The following FCGR1A variants were observed in gnomAD, a reference collection of about 807,000 sequenced individuals.
FCGR1A encodes high affinity immunoglobulin gamma Fc receptor I.
FCGR1A carries 13 observed loss-of-function variants against 35.0 expected under a neutral mutation model. The observed-to-expected ratio is 0.37, with a 90% confidence interval of 0.24 to 0.59. FCGR1A has a LOEUF of 0.59. Among genes scored for constraint, FCGR1A ranks in the 20% least tolerant of loss-of-function variants. FCGR1A has a pLI of 0.71. For missense variants in FCGR1A, 227 were observed against 430.0 expected, an observed-to-expected ratio of 0.53 and a Z score of 4.17; for synonymous variants, 91 against 164.7, an observed-to-expected ratio of 0.55 and a Z score of 3.43.
rs782397671 is a variant in FCGR1A at position 149,791,522 on chromosome 1, G to A, written c.*5G>A. The A allele has an allele frequency of 3.7e-6, 6 of 1,610,344 alleles. No individual in the cohort carries two copies. The highest frequency in any genetic ancestry group is 5.1e-6 in the Non-Finnish European group (6 of 1,179,562). On this transcript the variant is annotated 3_prime_UTR_variant, in exon 6 of 6. Coordinates refer to ENST00000369168, the MANE Select transcript of FCGR1A (RefSeq NM_000566.4). ...GAGCCCCAGGGGGCCACGTAGCAGC[G>A]GCTCAGTGGGTGGCCATCGATCTGG...
At chr1:149,789,010 G>A (rs1436835083) in intron 4 of FCGR1A, among the ~76,000 whole-genome samples, 4 of 151,782 alleles carry the variant, frequency 2.6e-5, no homozygotes, top group Non-Finnish European at 4.4e-5. Flanking sequence ...TATGAAGAAC[G>A]GGCTATACTG....
intron 3 of FCGR1A, among the ~76,000 whole-genome samples, chr1:149,784,594 C>T (rs587721922): frequency 1.3e-5 from 2 of 151,334 alleles, no homozygotes; most frequent in African/African-American, 4.8e-5. Context: ...TATCTTCCTC[C>T]CACCCAAAAC....
In FCGR1A at chr1:149,785,407, CGTTTTTTTT is replaced by C. The variant is rs1227020585; in HGVS notation, c.307+1151_307+1159del. On this transcript the variant is annotated intron_variant, in intron 3 of 5. Coordinates refer to ENST00000369168, the MANE Select transcript of FCGR1A (RefSeq NM_000566.4). The stretch of plus-strand genomic sequence containing the variant: ...GTTAGGGAAGCTGACAGAGCTGTTT[CGTTTTTTTT>C]TTTTTTTTTTTTTTTTTTGAGACAG... Among the ~76,000 whole-genome samples, 87 of 74,546 alleles carry C rather than the reference CGTTTTTTTT, an allele frequency of 1.2e-3. 2 individuals are homozygous for C. The highest frequency in any genetic ancestry group is 3.9e-3 in the African/African-American group (85 of 21,914). 48.9% of individuals were successfully genotyped at this position (74,546 alleles called of 152,430 possible).
At position 149,790,325 on chromosome 1, in the gene FCGR1A, G is replaced by A; in HGVS notation, c.831G>A (p.Glu277=). Residue 277 remains glutamate (E), a synonymous_variant, in exon 5 of 6, where the codon GAG becomes GAA. Coordinates refer to ENST00000369168, the MANE Select transcript of FCGR1A (RefSeq NM_000566.4). ...GNVLKRSPEL[E]LQVLGLQLPT... ...TCCTTAAGCGCAGCCCTGAGTTGGA[G>A]CTTCAAGTGCTTGGTGAGTGAGAAT... 1 of 1,587,442 alleles carries A rather than the reference G, an allele frequency of 6.3e-7. No individual in the cohort carries two copies. The highest frequency in any genetic ancestry group is 8.6e-7 in the Non-Finnish European group (1 of 1,167,102).
chr1:149,793,320 G>C, downstream of FCGR1A: 6 of 1,153,212 alleles, frequency 5.2e-6, no homozygotes, highest in Non-Finnish European at 6.5e-6. Flanking sequence ...CTCCCAGCTG[G>C]TTCCCTCACC....
the FCGR1A span, among the ~76,000 whole-genome samples, chr1:149,800,300 CT>C: frequency 6.6e-6 from 1 of 152,310 alleles, no homozygotes; most frequent in East Asian, 1.9e-4. Context: ...AAGCCCTGTC[CT>C]TTTGGGTCTT....
downstream of FCGR1A, chr1:149,793,177 G>A: frequency 7.8e-7 from 1 of 1,279,172 alleles, no homozygotes; most frequent in South Asian, 1.2e-5. Context: ...GGAAACGGGA[G>A]GACGGCGCTG....
chr1:149,789,341 T>C (rs6587578), intron 4 of FCGR1A, among the ~76,000 whole-genome samples: 5 of 152,016 alleles, frequency 3.3e-5, no homozygotes, highest in South Asian at 2.1e-4. Flanking sequence ...TGCAGTGAGC[T>C]GAGATAGCGC....
intron 3 of FCGR1A, among the ~76,000 whole-genome samples, chr1:149,785,178 T>C (rs1315074370): frequency 1.5e-4 from 23 of 152,184 alleles, no homozygotes; most frequent in African/African-American, 5.1e-4. Flanking sequence ...TATTTAGTTA[T>C]TCAGAAGTGA....
chr1:149,793,267 G>C (rs1158167113), downstream of FCGR1A: 1 of 1,230,290 alleles, frequency 8.1e-7, no homozygotes, highest in African/African-American at 1.6e-5. Context: ...GAGCGGGTGG[G>C]GAGTGGGAGA....
chr1:149,788,737 G>A (rs1553751266), intron 4 of FCGR1A, 120 bp downstream of exon 4: 2 of 1,211,180 alleles, frequency 1.7e-6, no homozygotes, highest in Admixed American at 4.4e-5. Context: ...GAGGTAAACT[G>A]CATTACTAAA....
chr1:149,793,562 G>C (rs1276506326), downstream of FCGR1A, among the ~76,000 whole-genome samples: 15 of 151,950 alleles, frequency 9.9e-5, no homozygotes, highest in Non-Finnish European at 2.1e-4. Context: ...GAGGGGTGGT[G>C]GGGTGGAGGA....
the FCGR1A span, among the ~76,000 whole-genome samples, chr1:149,799,360 CTT>C: frequency 6.6e-6 from 1 of 152,234 alleles, no homozygotes; most frequent in Non-Finnish European, 1.5e-5. Context: ...AGAAATTTCT[CTT>C]TGTTCCCAAA....
At chr1:149,793,692 C>A (rs1307004542), downstream of FCGR1A, among the ~76,000 whole-genome samples, 1 of 151,606 alleles carries the variant, frequency 6.6e-6, no homozygotes, top group Non-Finnish European at 1.5e-5. Flanking sequence ...GGAGCAGAAC[C>A]GGCATTAGGT....
rs782520142 is a variant in FCGR1A at position 149,790,269 on chromosome 1, T to C, written c.775T>C (p.Trp259Arg). ...TAGAAGAGAAGACTCTGGGTTATAC[T>C]GGTGCGAGGCTGCCACAGAGGATGG... is the stretch of plus-strand genomic sequence containing the variant. ...TARREDSGLY[W>R]CEAATEDGNV... Residue 259 changes from tryptophan to arginine, a missense_variant, in exon 5 of 6, where the codon TGG becomes CGG. Transcript: ENST00000369168. 79 of 1,595,262 alleles carry C rather than the reference T, an allele frequency of 5.0e-5. No homozygotes were observed. The highest frequency in any genetic ancestry group is 6.7e-5 in the Non-Finnish European group (78 of 1,170,834).
the FCGR1A span, among the ~76,000 whole-genome samples, chr1:149,798,862 C>T: frequency 6.6e-6 from 1 of 151,976 alleles, no homozygotes; most frequent in African/African-American, 2.4e-5. Flanking sequence ...ATCCTCCTGC[C>T]TCAGCTTCCC....
intron 4 of FCGR1A, 46 bp downstream of exon 4, chr1:149,788,663 G>A: frequency 6.2e-7 from 1 of 1,608,372 alleles, no homozygotes; most frequent in Non-Finnish European, 8.5e-7. Flanking sequence ...CTCCCCCTGA[G>A]GGACCATCAT....
chr1:149,798,634 AG>A, the FCGR1A span, among the ~76,000 whole-genome samples: 1 of 150,730 alleles, frequency 6.6e-6, no homozygotes, highest in Non-Finnish European at 1.5e-5. Flanking sequence ...AAAAAAAAAA[AG>A]AGGAACTTGC....
At position 149,784,145 on chromosome 1, in the gene FCGR1A, C is replaced by T; in HGVS notation, c.195C>T (p.Thr65=). The change falls in exon 3 of 6, where the codon ACC becomes ACT. Residue 65 remains threonine, a synonymous_variant. Transcript: ENST00000369168. ...TTCTCAATGGCACAGCCACTCAGAC[C>T]TCGACCCCCAGCTACAGAATCACCT... ...QWFLNGTATQ[T]STPSYRITSA... The T allele has an allele frequency of 6.2e-7, 1 of 1,611,740 alleles. No homozygotes were observed. The highest frequency in any genetic ancestry group is 8.5e-7 in the Non-Finnish European group (1 of 1,179,840).
Sources: gnomAD v4.1 joint callset for allele counts (sites outside exome capture counted in the v4.1 genomes callset) on GRCh38, gnomAD v4.1.1 for gene constraint, MANE v1.5 for transcripts, NCBI Gene and HGNC (gene_info 2026-07-23, HGNC 2026-07-21) for gene names.